DNM3: variants seen among roughly 807,000 people sequenced by gnomAD.
DNM3 encodes dynamin-3.
DNM3 carries 47 observed loss-of-function variants against 101.6 expected under a neutral mutation model. The observed-to-expected ratio is 0.46, with a 90% CI of 0.37 to 0.59. DNM3 has a LOEUF of 0.59. Ranked by LOEUF, DNM3 falls within the 20% of genes least tolerant of loss-of-function variation. DNM3 has a pLI of 0.00. For synonymous variants in DNM3, 385 were observed against 387.9 expected, an observed-to-expected ratio of 0.99 and a Z score of 0.09; for missense variants, 849 against 1,085.7, an observed-to-expected ratio of 0.78 and a Z score of 3.06.
At chr1:171,972,314 T>C (rs1394611797) in intron 2 of DNM3, among the ~76,000 whole-genome samples, 19 of 152,216 alleles carry the variant, frequency 1.2e-4, no homozygotes, top group Admixed American at 1.2e-3. Flanking sequence ...CTGGCTTTGG[T>C]AGAAAATCTT....
intron 14 of DNM3, among the ~76,000 whole-genome samples, chr1:172,203,035 T>C (rs1449525603): frequency 6.6e-6 from 1 of 152,162 alleles, no homozygotes; most frequent in Non-Finnish European, 1.5e-5. Context: ...AATAACCATA[T>C]AACTGGGGCT....
In DNM3 at chr1:172,348,954, C is replaced by T. The variant is rs557894876; in HGVS notation, c.1893+25614C>T. ...CAGTCCCACCTGACCCATCGTCTTCCCAGTAGCATTGTCAGTAAACGAATA... is the reference window on the plus strand; with the variant it reads ...CAGTCCCACCTGACCCATCGTCTTCTCAGTAGCATTGTCAGTAAACGAATA... On this transcript the variant is annotated intron_variant, in intron 17 of 20. Coordinates refer to ENST00000627582, the MANE Select transcript of DNM3 (RefSeq NM_015569.5). Among the ~76,000 whole-genome samples, 6 of 152,244 alleles carry T rather than the reference C, an allele frequency of 3.9e-5. No individual in the cohort carries two copies. The South Asian group carries it at 1.2e-3, about 32-fold the overall frequency.
intron 2 of DNM3, among the ~76,000 whole-genome samples, chr1:171,969,430 G>A (rs1323272708): frequency 1.3e-5 from 2 of 152,120 alleles, no homozygotes; most frequent in Non-Finnish European, 2.9e-5. Context: ...AACACGAGGG[G>A]CTGAACTTCA....
At chr1:172,052,276 T>C (rs2050258392) in intron 10 of DNM3, among the ~76,000 whole-genome samples, 1 of 152,052 alleles carries the variant, frequency 6.6e-6, no homozygotes, top group South Asian at 2.1e-4. Context: ...GGGTGGGGGG[T>C]GGTTTCCTAT....
At chr1:172,342,020 A>G (rs886312983) in intron 17 of DNM3, among the ~76,000 whole-genome samples, 3 of 152,166 alleles carry the variant, frequency 2.0e-5, no homozygotes. Flanking sequence ...ATCACTAATC[A>G]TTAGAGAAGA....
intron 17 of DNM3, among the ~76,000 whole-genome samples, chr1:172,367,962 A>AG (rs2068112481): frequency 6.6e-6 from 1 of 151,838 alleles, no homozygotes; most frequent in Non-Finnish European, 1.5e-5. Flanking sequence ...CGGTTTTATA[A>AG]GGGGCATCCC....
At position 172,409,350 on chromosome 1, in the gene DNM3, G is replaced by C. The variant is rs146450793; in HGVS notation, c.*1509G>C. 3.1e-4 allele frequency: 309 copies of C among 985,158 alleles called. No homozygotes were observed. In the African/African-American group the frequency reaches 5.0e-3, roughly 16 times the overall value. 61.0% of individuals were successfully genotyped at this position (985,158 alleles called of 1,614,324 possible). ...TAATTTCCTGTGTAGTTTACACCCA[G>C]AGCAGATACTCATAAAGTATAAAGT... On this transcript the variant is annotated 3_prime_UTR_variant, in exon 21 of 21. Coordinates refer to ENST00000627582, the MANE Select transcript of DNM3 (RefSeq NM_015569.5).
At position 172,233,558 on chromosome 1, in the gene DNM3, G is replaced by A. The variant is rs546532223; in HGVS notation, c.1660-20015G>A. ...CATTTTATGAGTCCAGCATCATCCT[G>A]ATACCAAAGCCTGGCAGAGACACAA... On this transcript the variant is annotated intron_variant, in intron 14 of 20. Transcript: ENST00000627582. Among the ~76,000 whole-genome samples the A allele has an allele frequency of 2.1e-4, 32 of 152,298 alleles. 1 individual carries two copies. Among genetic ancestry groups the A allele is most frequent in the Admixed American group, 1.1e-3 (17 of 15,300 alleles).
intron 16 of DNM3, among the ~76,000 whole-genome samples, chr1:172,315,569 G>C (rs189193312): frequency 6.6e-6 from 1 of 152,190 alleles, no homozygotes; most frequent in African/African-American, 2.4e-5. Flanking sequence ...GAAAGCCAAC[G>C]CTCGAGAACT....
At chr1:172,398,313 A>G (rs1254543927) in intron 20 of DNM3, among the ~76,000 whole-genome samples, 3 of 152,224 alleles carry the variant, frequency 2.0e-5, no homozygotes, top group Non-Finnish European at 2.9e-5. Context: ...ACTTATATCA[A>G]ACACTTGCCT....
At chr1:171,880,810 A>T (rs2036202327) in intron 1 of DNM3, among the ~76,000 whole-genome samples, 1 of 152,168 alleles carries the variant, frequency 6.6e-6, no homozygotes, top group East Asian at 1.9e-4. Context: ...CCATGAGCAC[A>T]TCATCTTATC....
intron 9 of DNM3, among the ~76,000 whole-genome samples, chr1:172,047,693 G>A (rs1023341236): frequency 6.6e-6 from 1 of 152,138 alleles, no homozygotes; most frequent in Non-Finnish European, 1.5e-5. Flanking sequence ...GGGGTGCTAA[G>A]CAAATGATAA....
intron 1 of DNM3, among the ~76,000 whole-genome samples, chr1:171,902,397 T>C (rs1268353573): frequency 6.6e-6 from 1 of 152,228 alleles, no homozygotes; most frequent in Non-Finnish European, 1.5e-5. Context: ...GCCCTGTTGA[T>C]ATTCAGGAAG....
intron 4 of DNM3, among the ~76,000 whole-genome samples, chr1:172,009,063 A>C (rs936335370): frequency 1.2e-4 from 17 of 138,280 alleles, no homozygotes; most frequent in Non-Finnish European, 2.5e-4. Flanking sequence ...ATAATATATT[A>C]TATGTATTTA....
In DNM3 at chr1:172,411,786, G is replaced by A. The variant is rs76166162; in HGVS notation, c.*3945G>A. 57,739 of 985,374 alleles carry A rather than the reference G, an allele frequency of 0.059. 1,934 individuals are homozygous for A. Among genetic ancestry groups the A allele is most frequent in the Non-Finnish European group, 0.064 (53,339 of 829,676 alleles). 61.0% of individuals were successfully genotyped at this position (985,374 alleles called of 1,614,324 possible). ...AAAGAAGATAGTGTATGAGACTTAAGCCATGAGTTTTGTATCATTTCAATT... is the reference window on the plus strand; with the variant it reads ...AAAGAAGATAGTGTATGAGACTTAAACCATGAGTTTTGTATCATTTCAATT... On this transcript the variant is annotated 3_prime_UTR_variant, in exon 21 of 21. Coordinates refer to ENST00000627582, the MANE Select transcript of DNM3 (RefSeq NM_015569.5).
At chr1:171,967,275 T>C (rs1299038638) in intron 2 of DNM3, among the ~76,000 whole-genome samples, 1 of 152,172 alleles carries the variant, frequency 6.6e-6, no homozygotes, top group Non-Finnish European at 1.5e-5. Context: ...CTTGGTATGG[T>C]GAAGTGAGCT....
intron 1 of DNM3, among the ~76,000 whole-genome samples, chr1:171,888,068 T>A (rs2036933367): frequency 6.6e-6 from 1 of 152,036 alleles, no homozygotes; most frequent in African/African-American, 2.4e-5. Context: ...TTCTTTTTTT[T>A]TTTTAGTCTT....
intron 2 of DNM3, among the ~76,000 whole-genome samples, chr1:171,973,308 C>T (rs892141210): frequency 6.6e-6 from 1 of 152,154 alleles, no homozygotes; most frequent in African/African-American, 2.4e-5. Context: ...CTTTGACTGG[C>T]ATCTCCTACC....
intron 1 of DNM3, among the ~76,000 whole-genome samples, chr1:171,897,132 T>C (rs560845802): frequency 1.1e-4 from 17 of 152,286 alleles, no homozygotes; most frequent in Admixed American, 9.8e-4. Context: ...GAATTCCAAA[T>C]TGTAGATCAG....
Sources: allele counts gnomAD v4.1 joint callset (sites outside exome capture counted in the v4.1 genomes callset), GRCh38; gene constraint gnomAD v4.1.1; transcripts MANE v1.5; gene names NCBI Gene and HGNC (gene_info 2026-07-23, HGNC 2026-07-21).